The following ELF1 variants were observed in gnomAD, a reference collection of about 807,000 sequenced individuals.
ELF1 encodes E74 like ETS transcription factor 1, also known as ETS-related transcription factor Elf-1.
ELF1 carries 24 observed loss-of-function variants against 59.9 expected under a neutral mutation model. The ratio of observed to expected loss-of-function variants is 0.40; its 90% CI spans 0.29 to 0.56. The LOEUF is 0.56. Ranked by LOEUF, ELF1 falls within the 20% of genes least tolerant of loss-of-function variation. The probability of loss-of-function intolerance (pLI) is 0.44; values close to 1 mark genes in which losing one functional copy is unlikely to be tolerated. For missense variants in ELF1, 627 were observed against 742.2 expected, an observed-to-expected ratio of 0.84 and a Z score of 1.80; for synonymous variants, 248 against 266.2, an observed-to-expected ratio of 0.93 and a Z score of 0.67.
chr13:41,006,769 G>C lies in ELF1; in HGVS notation c.-229+12459C>G, dbSNP rs1370824866. ...TGTCTAAATACAAACTTTTTAAGTT[G>C]CCCTTCAAACTAAAACACATGTAAC... On this transcript the variant is annotated intron_variant, in intron 1 of 8. Transcript: ENST00000239882. Among the ~76,000 whole-genome samples, 4 of 152,150 alleles carry C rather than the reference G, an allele frequency of 2.6e-5. No homozygotes were observed. In the East Asian group the frequency reaches 7.7e-4, roughly 29 times the overall value.
At chr13:40,964,102 T>A (rs1417042969) in intron 2 of ELF1, among the ~76,000 whole-genome samples, 2 of 152,118 alleles carry the variant, frequency 1.3e-5, no homozygotes. Flanking sequence ...CTTTGTAAAC[T>A]GGATTGACCA....
At chr13:41,037,610 T>C (rs1876437865) in intron 1 of ELF1, among the ~76,000 whole-genome samples, 1 of 151,634 alleles carries the variant, frequency 6.6e-6, no homozygotes, top group South Asian at 2.1e-4. Context: ...GCCTGGCCAA[T>C]ATGGTGAAAC....
At chr13:41,029,731 C>A (rs1033970102) in intron 1 of ELF1, among the ~76,000 whole-genome samples, 3 of 152,144 alleles carry the variant, frequency 2.0e-5, no homozygotes, top group African/African-American at 4.8e-5. Context: ...TGCCCTCATC[C>A]AATGTGGGTG....
intron 1 of ELF1, among the ~76,000 whole-genome samples, chr13:40,986,441 G>A (rs1593380074): frequency 6.6e-6 from 1 of 152,306 alleles, no homozygotes; most frequent in East Asian, 1.9e-4. Flanking sequence ...GTAAGTATAT[G>A]CAAGAAATAT....
At chr13:41,051,181 A>G (rs1253889416) in intron 1 of ELF1, among the ~76,000 whole-genome samples, 1 of 152,178 alleles carries the variant, frequency 6.6e-6, no homozygotes, top group Admixed American at 6.5e-5. Context: ...AAGGGACAGT[A>G]ATATTGTAGT....
intron 1 of ELF1, among the ~76,000 whole-genome samples, chr13:41,059,232 A>C (rs557399700): frequency 2.4e-4 from 37 of 152,286 alleles, no homozygotes; most frequent in Non-Finnish European, 4.8e-4. Flanking sequence ...ATGGCTCTAA[A>C]GCCAGAGAAC....
intron 3 of ELF1, among the ~76,000 whole-genome samples, chr13:40,953,993 C>A (rs1441596229): frequency 6.6e-6 from 1 of 152,182 alleles, no homozygotes; most frequent in Non-Finnish European, 1.5e-5. Flanking sequence ...TGTAGCCTTA[C>A]CCTAAGGCTT....
chr13:40,969,018 G>A (rs1872361897), intron 2 of ELF1, among the ~76,000 whole-genome samples: 1 of 151,874 alleles, frequency 6.6e-6, no homozygotes, highest in Non-Finnish European at 1.5e-5. Context: ...TTGCGCCCAG[G>A]GACCTATTCC....
At chr13:41,000,312 A>G (rs1379150642) in intron 1 of ELF1, among the ~76,000 whole-genome samples, 2 of 117,724 alleles carry the variant, frequency 1.7e-5, no homozygotes, top group Non-Finnish European at 3.2e-5. Context: ...GCACAGTGTC[A>G]TTATCTCCAG....
At chr13:40,982,708 TTAAGAGGATTTATATA>T (rs1873349190) in intron 1 of ELF1, 1 of 274,702 alleles carries the variant, frequency 3.6e-6, no homozygotes, top group Non-Finnish European at 5.5e-6. Context: ...ATTTTCACCT[TTAAGAGGATTTATATA>T]AGGATTTAAA....
intron 1 of ELF1, among the ~76,000 whole-genome samples, chr13:41,009,251 T>C (rs1039810549): frequency 2.0e-5 from 3 of 151,672 alleles, no homozygotes; most frequent in African/African-American, 7.3e-5. Flanking sequence ...TCAATTTTAA[T>C]AGTATAAAGA....
chr13:41,043,863 C>G (rs1340058439), intron 1 of ELF1, among the ~76,000 whole-genome samples: 1 of 152,112 alleles, frequency 6.6e-6, no homozygotes, highest in African/African-American at 2.4e-5. Context: ...ATGGTGATGG[C>G]ACTGAATCTA....
At chr13:40,978,053 T>C (rs1200777621) in intron 2 of ELF1, among the ~76,000 whole-genome samples, 2 of 152,096 alleles carry the variant, frequency 1.3e-5, no homozygotes, top group East Asian at 1.9e-4. Flanking sequence ...AAACTGCAGA[T>C]GGACTGAGGA....
At chr13:40,993,074 C>G in intron 1 of ELF1, 2 of 1,608,430 alleles carry the variant, frequency 1.2e-6, no homozygotes, top group South Asian at 2.2e-5. Flanking sequence ...CCTTCATCAT[C>G]TTGTCAAAAT....
rs576542289 is a variant in ELF1 at position 40,987,266 on chromosome 13, T to C, written c.-228-4984A>G. 2.1e-3 allele frequency among the ~76,000 whole-genome samples: 318 copies of C among 149,002 alleles called. 1 individual carries two copies. The highest frequency in any genetic ancestry group is 3.6e-3 in the Non-Finnish European group (240 of 67,174). The stretch of plus-strand genomic sequence containing the variant: ...TCACTGCTCTCCTTTTAAGTTACTA[T>C]GGTACCAACTGTTTATGGTGAAAAT... On this transcript the variant is annotated intron_variant, in intron 1 of 8. Coordinates refer to ENST00000239882, the MANE Select transcript of ELF1 (RefSeq NM_172373.4).
chr13:40,954,663 T>G (rs1403082875), intron 3 of ELF1, among the ~76,000 whole-genome samples: 1 of 152,208 alleles, frequency 6.6e-6, no homozygotes, highest in East Asian at 1.9e-4. Context: ...TTGGCCGGGC[T>G]GGTCTCCAGC....
intron 1 of ELF1, among the ~76,000 whole-genome samples, chr13:41,032,652 C>T (rs1488855555): frequency 6.6e-6 from 1 of 151,944 alleles, no homozygotes; most frequent in East Asian, 1.9e-4. Flanking sequence ...GAGTTCAAGA[C>T]CAGCCTGGGC....
At chr13:40,974,924 C>T (rs986684040) in intron 2 of ELF1, among the ~76,000 whole-genome samples, 59 of 152,316 alleles carry the variant, frequency 3.9e-4, no homozygotes, top group African/African-American at 1.4e-3. Context: ...GGCAATCAGG[C>T]TTGTAGCTGG....
intron 2 of ELF1, among the ~76,000 whole-genome samples, chr13:40,980,132 T>A (rs1008564672): frequency 1.7e-4 from 26 of 152,312 alleles, no homozygotes; most frequent in African/African-American, 5.5e-4. Flanking sequence ...TATAACACAG[T>A]AAGATTGTCA....
Sources: allele counts gnomAD v4.1 joint callset (sites outside exome capture counted in the v4.1 genomes callset), GRCh38; gene constraint gnomAD v4.1.1; transcripts MANE v1.5; gene names NCBI Gene and HGNC (gene_info 2026-07-23, HGNC 2026-07-21).